The following EPSTI1 variants were observed in gnomAD, a reference collection of about 807,000 sequenced individuals.
EPSTI1 encodes the protein epithelial-stromal interaction protein 1.
A neutral mutation model predicts 49.9 loss-of-function variants in EPSTI1; 66 were observed. The observed-to-expected ratio is 1.32, with a 90% CI of 1.08 to 1.62. The LOEUF is 1.62. Among genes scored for constraint, EPSTI1 ranks in the 40% most tolerant of loss-of-function variants. The pLI is 0.00. For missense variants in EPSTI1, 394 were observed against 365.5 expected (o/e 1.08, Z -0.64); for synonymous variants, 137 against 130.7 (o/e 1.05, Z -0.33).
chr13:42,917,749 A>T, intron 7 of EPSTI1, 125 bp from the exon 8 acceptor site: 1 of 632,968 alleles, frequency 1.6e-6, no homozygotes, highest in Non-Finnish European at 2.7e-6. Context: ...CTGAGCATAT[A>T]GTAAGCTCTC....
intron 6 of EPSTI1, among the ~76,000 whole-genome samples, chr13:42,944,187 A>T (rs1243445733): frequency 6.6e-6 from 1 of 152,226 alleles, no homozygotes; most frequent in Non-Finnish European, 1.5e-5. Context: ...CCAAAGGATT[A>T]TAAATCATTC....
At chr13:42,933,312 T>TA (rs1178617129) in intron 6 of EPSTI1, among the ~76,000 whole-genome samples, 2,490 of 77,288 alleles carry the variant, frequency 0.032, 30 homozygotes, top group East Asian at 0.045. Context: ...ACATAAAAAG[T>TA]AAAAAAAAAA....
intron 9 of EPSTI1, among the ~76,000 whole-genome samples, chr13:42,899,026 C>T (rs1044313244): frequency 2.0e-5 from 3 of 151,784 alleles, no homozygotes; most frequent in Non-Finnish European, 4.4e-5. Flanking sequence ...AGTGAAACCC[C>T]GTCTCCACTA....
chr13:42,981,599 TA>T (rs1455061147), intron 1 of EPSTI1, among the ~76,000 whole-genome samples: 1 of 152,250 alleles, frequency 6.6e-6, no homozygotes, highest in Non-Finnish European at 1.5e-5. Flanking sequence ...AAATTCCTTC[TA>T]AACAGGACCA....
Position 42,886,569 on chromosome 13 carries a change from T to A in EPSTI1, c.*1925A>T, listed in dbSNP as rs1347095460. ...GAAATGGTGGAACTTTGGGATTTCCTGTCCAGTCACCTGCGAGTCAGGTTT... is the reference window on the plus strand; with the variant it reads ...GAAATGGTGGAACTTTGGGATTTCCAGTCCAGTCACCTGCGAGTCAGGTTT... On this transcript the variant is annotated 3_prime_UTR_variant, in exon 11 of 11. Transcript: ENST00000313624. 6.6e-6 allele frequency: 1 copy of A among 152,182 alleles called. No individual in the cohort carries two copies. The highest frequency in any genetic ancestry group is 1.5e-5 in the Non-Finnish European group (1 of 68,026). 9.4% of individuals were successfully genotyped at this position (152,182 alleles called of 1,614,324 possible). A position where few individuals can be genotyped will look rare whatever the true frequency, so the allele number is the denominator to read the frequency against.
At chr13:42,968,532 C>T (rs9594839) in intron 3 of EPSTI1, among the ~76,000 whole-genome samples, 47,555 of 151,842 alleles carry the variant, frequency 0.31, 7,629 homozygotes, top group Middle Eastern at 0.5. Context: ...ATTCAAACAC[C>T]GGCAAAGGCG....
At chr13:42,892,938 G>A (rs1024949749) in intron 10 of EPSTI1, among the ~76,000 whole-genome samples, 13 of 152,086 alleles carry the variant, frequency 8.5e-5, no homozygotes, top group Non-Finnish European at 1.8e-4. Flanking sequence ...GCTAAGTAAA[G>A]AAACAGTTTC....
At chr13:42,970,773 A>C in intron 1 of EPSTI1, 103 bp from the exon 2 acceptor site, 1 of 805,910 alleles carries the variant, frequency 1.2e-6, no homozygotes, top group South Asian at 2.0e-5. Flanking sequence ...TATGATCATT[A>C]CCATCAAATA....
At position 42,917,636 on chromosome 13, in the gene EPSTI1, C is replaced by G; in HGVS notation, c.658-12G>C. ...GCCCAGCTTCTGGCCTGTAAAGGTACAAAGAGAAAAAAAAAAAAAAAAACA... is the reference window on the plus strand; with the variant it reads ...GCCCAGCTTCTGGCCTGTAAAGGTAGAAAGAGAAAAAAAAAAAAAAAAACA... On this transcript the variant is annotated splice_polypyrimidine_tract_variant and intron_variant, in intron 7 of 10. Transcript: ENST00000313624. The G allele has an allele frequency of 6.5e-6, 1 of 153,554 alleles. No individual in the cohort carries two copies. The highest frequency in any genetic ancestry group is 1.1e-5 in the Non-Finnish European group (1 of 93,662). 9.5% of individuals were successfully genotyped at this position (153,554 alleles called of 1,614,324 possible).
At chr13:42,942,235 G>C (rs889337682) in intron 6 of EPSTI1, among the ~76,000 whole-genome samples, 2 of 152,078 alleles carry the variant, frequency 1.3e-5, no homozygotes, top group African/African-American at 4.8e-5. Flanking sequence ...AATATAGCTA[G>C]ATTTGTATTT....
chr13:42,932,174 C>G (rs1348606739), intron 6 of EPSTI1, among the ~76,000 whole-genome samples: 1 of 152,046 alleles, frequency 6.6e-6, no homozygotes, highest in South Asian at 2.1e-4. Context: ...CTCAAGTGAT[C>G]CTCCCACCTC....
chr13:42,926,545 C>A, intron 6 of EPSTI1, 116 bp from the exon 7 acceptor site: 1 of 735,414 alleles, frequency 1.4e-6, no homozygotes, highest in Non-Finnish European at 2.6e-6. Flanking sequence ...TTATCTTCAG[C>A]AGAACAGAAA....
intron 6 of EPSTI1, among the ~76,000 whole-genome samples, chr13:42,927,998 G>T (rs969010163): frequency 6.6e-6 from 1 of 152,204 alleles, no homozygotes; most frequent in Non-Finnish European, 1.5e-5. Context: ...CAAGTTGACA[G>T]GCAGCCCTTC....
chr13:42,935,768 T>C (rs1242482577), intron 6 of EPSTI1, among the ~76,000 whole-genome samples: 2 of 151,998 alleles, frequency 1.3e-5, no homozygotes, highest in African/African-American at 4.8e-5. Context: ...ATTTTTTGTA[T>C]TTTTAGTAGA....
intron 1 of EPSTI1, among the ~76,000 whole-genome samples, chr13:42,970,932 G>T (rs1396750456): frequency 6.6e-6 from 1 of 152,140 alleles, no homozygotes; most frequent in Non-Finnish European, 1.5e-5. Flanking sequence ...TACTGTCCTT[G>T]TAGGGCTCCA....
chr13:42,972,134 G>A (rs76584182), intron 1 of EPSTI1, among the ~76,000 whole-genome samples: 2,787 of 152,210 alleles, frequency 0.018, 83 homozygotes, highest in African/African-American at 0.065. Flanking sequence ...CATCAGATAC[G>A]AGACGTAAAT....
At position 42,992,040 on chromosome 13, in the gene EPSTI1, C is replaced by T. The variant is rs761364742; in HGVS notation, c.126G>A (p.Glu42=). ...GELSPVEDQR[E]GLEAAPKGPS... is the part of the protein sequence containing the mutation. ...GGCCCTTAGGGGCTGCCTCCAAACC[C>T]TCTCTCTGGTCTTCCACGGGGCTCA... The change falls in exon 1 of 11, where the codon GAG becomes GAA. Residue 42 remains glutamate (E), a synonymous_variant. Transcript: ENST00000313624. 1.2e-6 allele frequency: 2 copies of T among 1,613,530 alleles called. No individual in the cohort carries two copies. The highest frequency in any genetic ancestry group is 1.1e-5 in the South Asian group (1 of 91,080).
chr13:42,977,796 C>T (rs1394809594), intron 1 of EPSTI1, among the ~76,000 whole-genome samples: 2 of 152,204 alleles, frequency 1.3e-5, no homozygotes, highest in Non-Finnish European at 2.9e-5. Flanking sequence ...GATAACTATC[C>T]ACTTCATAGG....
intron 10 of EPSTI1, among the ~76,000 whole-genome samples, chr13:42,890,302 T>C (rs1398798549): frequency 1.2e-3 from 182 of 148,418 alleles, no homozygotes; most frequent in Non-Finnish European, 2.4e-3. Flanking sequence ...TTTTCTTTTT[T>C]TTTTTTTTTT....
Sources: gnomAD v4.1 joint callset for allele counts (sites outside exome capture counted in the v4.1 genomes callset) on GRCh38, gnomAD v4.1.1 for gene constraint, MANE v1.5 for transcripts, NCBI Gene and HGNC (gene_info 2026-07-23, HGNC 2026-07-21) for gene names.